UGT3A1: variants seen among roughly 807,000 people sequenced by gnomAD.
UGT3A1 encodes the protein UDP-glycosyltransferase 3A1.
UGT3A1 carries 40 observed loss-of-function variants against 37.6 expected under a neutral mutation model. That is an observed-to-expected ratio of 1.06 (90% CI 0.83 to 1.38). UGT3A1 has a LOEUF of 1.38. Ranked by LOEUF, UGT3A1 falls within the 40% of genes most tolerant of loss-of-function variation. The probability of loss-of-function intolerance (pLI) is 0.00; values close to 1 mark genes in which losing one functional copy is unlikely to be tolerated. For missense variants in UGT3A1, 642 were observed against 634.2 expected, an observed-to-expected ratio of 1.01 and a Z score of -0.13; for synonymous variants, 256 against 232.3, an observed-to-expected ratio of 1.10 and a Z score of -0.93.
In UGT3A1 at chr5:35,957,396, G is replaced by A. The variant is rs757258359; in HGVS notation, c.867C>T (p.Asn289=). The A allele has an allele frequency of 6.2e-7, 1 of 1,614,116 alleles. No individual in the cohort carries two copies. Among genetic ancestry groups the A allele is most frequent in the East Asian group, 2.2e-5 (1 of 44,874 alleles). ...VPQDLDNFIA[N]FGDAGFVLVA... ...CAAGGACAAACCCTGCATCCCCAAA[G>A]TTGGCAATGAAGTTGTCCAAGTCCT... Residue 289 remains asparagine (N), a synonymous_variant, in exon 5 of 7, where the codon AAC becomes AAT. Coordinates refer to ENST00000274278, the MANE Select transcript of UGT3A1 (RefSeq NM_152404.4).
At position 35,965,628 on chromosome 5, in the gene UGT3A1, C is replaced by T; in HGVS notation, c.601G>A (p.Val201Met). The change falls in exon 4 of 7, where the codon GTG becomes ATG. Residue 201 changes from valine to methionine, a missense_variant. By Grantham distance (21) the Val-to-Met change is conservative (BLOSUM62 1). Transcript: ENST00000274278. ...LTDHMDFWGR[V>M]KNFLMFFSFS... ...CTAAAGAACATCAGAAAATTCTTCA[C>T]TCGGCCCCAGAAGTCCATGTGATCA... 1.9e-6 allele frequency: 3 copies of T among 1,614,194 alleles called. No individual in the cohort carries two copies.
In UGT3A1 at chr5:35,955,834, T is replaced by C. The variant is rs1341268898; in HGVS notation, c.1106A>G (p.His369Arg). Reference protein sequence around the residue: ...AHPSIRLFVTHGGQNSVMEAI... With the variant: ...AHPSIRLFVTRGGQNSVMEAI... ...CTCCATTACGCTGTTCTGCCCACCA[T>C]GAGTGACAAAAAGACGGATGCTGGG... The change falls in exon 6 of 7, where the codon CAT becomes CGT. Residue 369 changes from histidine (H) to arginine (R), a missense_variant. Coordinates refer to ENST00000274278, the MANE Select transcript of UGT3A1 (RefSeq NM_152404.4). 1 of 1,614,144 alleles carries C rather than the reference T, an allele frequency of 6.2e-7. No homozygotes were observed. Among genetic ancestry groups the C allele is most frequent in the Admixed American group, 1.7e-5 (1 of 60,022 alleles).
chr5:35,956,278 A>G (rs531672389), intron 5 of UGT3A1, among the ~76,000 whole-genome samples: 3 of 152,156 alleles, frequency 2.0e-5, no homozygotes, highest in Non-Finnish European at 4.4e-5. Flanking sequence ...TAAACCATAC[A>G]CTTCTACTTC....
chr5:35,986,969 T>G (rs972590489), intron 2 of UGT3A1, among the ~76,000 whole-genome samples: 5 of 152,060 alleles, frequency 3.3e-5, no homozygotes, highest in Non-Finnish European at 7.4e-5. Context: ...GCAATAAAAA[T>G]GTATAAATTT....
Position 35,951,173 on chromosome 5 carries a change from T to A in UGT3A1, c.*3029A>T, listed in dbSNP as rs1739194236. On this transcript the variant is annotated 3_prime_UTR_variant, in exon 7 of 7. Transcript: ENST00000274278. Reference sequence around the variant, plus strand: ...TTCCGTTTGTATTTCAGTTCTTGGCTTTTCTCTCCTTGTTTATTTAAACAT... The same window carrying A: ...TTCCGTTTGTATTTCAGTTCTTGGCATTTCTCTCCTTGTTTATTTAAACAT... The A allele has an allele frequency of 6.6e-6, 1 of 152,206 alleles. No individual in the cohort carries two copies. Among genetic ancestry groups the A allele is most frequent in the African/African-American group, 2.4e-5 (1 of 41,466 alleles). 9.4% of individuals were successfully genotyped at this position (152,206 alleles called of 1,614,324 possible).
intron 6 of UGT3A1, chr5:35,954,805 G>A: frequency 3.5e-6 from 1 of 288,238 alleles, no homozygotes; most frequent in Non-Finnish European, 6.6e-6. Flanking sequence ...GACCATATAT[G>A]AGAGAATATG....
At chr5:35,996,174 A>G (rs1451456121), upstream of UGT3A1, among the ~76,000 whole-genome samples, 1 of 152,194 alleles carries the variant, frequency 6.6e-6, no homozygotes, top group Non-Finnish European at 1.5e-5. Context: ...ACTGTAAAAG[A>G]CGAGGATACC....
intron 2 of UGT3A1, among the ~76,000 whole-genome samples, chr5:35,985,709 G>C (rs1740703866): frequency 6.6e-6 from 1 of 152,184 alleles, no homozygotes; most frequent in Non-Finnish European, 1.5e-5. Context: ...AATAAGGTCA[G>C]AGTGGATTTA....
Position 35,984,721 on chromosome 5 carries a change from C to G in UGT3A1, c.196+3729G>C, listed in dbSNP as rs564963481. On this transcript the variant is annotated intron_variant, in intron 2 of 6. Coordinates refer to ENST00000274278, the MANE Select transcript of UGT3A1 (RefSeq NM_152404.4). ...CTCCTGACCTCAGGTGATCCACCCACCTCGGCTTCCCAAAGTCCTGAGATT... is the reference window on the plus strand; with the variant it reads ...CTCCTGACCTCAGGTGATCCACCCAGCTCGGCTTCCCAAAGTCCTGAGATT... 8.5e-5 allele frequency among the ~76,000 whole-genome samples: 13 copies of G among 152,254 alleles called. No homozygotes were observed. In the South Asian group the frequency reaches 2.7e-3, roughly 32 times the overall value.
chr5:36,000,190 G>A (rs74527246), intron 1 of UGT3A1, among the ~76,000 whole-genome samples: 221 of 152,182 alleles, frequency 1.5e-3, no homozygotes, highest in African/African-American at 4.8e-3. Context: ...CACCACTTTC[G>A]GTAAACATTA....
At chr5:35,968,667 A>G (rs1334723281) in intron 2 of UGT3A1, among the ~76,000 whole-genome samples, 1 of 151,754 alleles carries the variant, frequency 6.6e-6, no homozygotes, top group South Asian at 2.1e-4. Context: ...CCCCTCCCCC[A>G]TCACCCATGT....
upstream of UGT3A1, among the ~76,000 whole-genome samples, chr5:35,995,236 T>C (rs1260442185): frequency 2.0e-5 from 3 of 152,160 alleles, no homozygotes; most frequent in Admixed American, 2.0e-4. Context: ...TTCTCCTCCA[T>C]GTCTACCACT....
upstream of UGT3A1, among the ~76,000 whole-genome samples, chr5:35,994,823 G>A (rs1014097603): frequency 7.9e-5 from 12 of 152,096 alleles, no homozygotes; most frequent in African/African-American, 1.9e-4. Context: ...CTAAGACCCC[G>A]GAGGAACATA....
intron 2 of UGT3A1, among the ~76,000 whole-genome samples, chr5:35,986,402 C>T (rs886320510): frequency 6.6e-6 from 1 of 151,908 alleles, no homozygotes; most frequent in African/African-American, 2.4e-5. Flanking sequence ...TTTACAATAA[C>T]CAAAGTAAAG....
At chr5:35,983,520 CA>C (rs1297288763) in intron 2 of UGT3A1, among the ~76,000 whole-genome samples, 2 of 152,008 alleles carry the variant, frequency 1.3e-5, no homozygotes, top group Non-Finnish European at 2.9e-5. Context: ...AATTAAAGAT[CA>C]GGGGCTATTT....
intron 4 of UGT3A1, 140 bp from the exon 5 acceptor site, chr5:35,957,559 C>A: frequency 1.4e-6 from 1 of 697,496 alleles, no homozygotes; most frequent in South Asian, 1.9e-5. Context: ...TATTATGGCT[C>A]CTGGCACAGC....
At chr5:35,990,672 T>A (rs552769012) in intron 1 of UGT3A1, among the ~76,000 whole-genome samples, 14 of 152,248 alleles carry the variant, frequency 9.2e-5, no homozygotes, top group African/African-American at 3.1e-4. Context: ...TGGCTCCATA[T>A]GCAGCTTCAC....
rs1369919868 is a variant in UGT3A1 at position 35,951,729 on chromosome 5, T to A, written c.*2473A>T. The stretch of plus-strand genomic sequence containing the variant: ...ATTAATTTACACTTCTCTTGTTGTA[T>A]CAGGATTTTTTCTTCCTATTTAGAA... On this transcript the variant is annotated 3_prime_UTR_variant, in exon 7 of 7. Transcript: ENST00000274278. 2 of 152,202 alleles carry A rather than the reference T, an allele frequency of 1.3e-5. No homozygotes were observed. The highest frequency in any genetic ancestry group is 6.5e-5 in the Admixed American group (1 of 15,286). 9.4% of individuals were successfully genotyped at this position (152,202 alleles called of 1,614,324 possible).
At chr5:35,969,075 C>T (rs939505809) in intron 2 of UGT3A1, among the ~76,000 whole-genome samples, 3 of 152,098 alleles carry the variant, frequency 2.0e-5, no homozygotes, top group African/African-American at 7.2e-5. Flanking sequence ...TTATGTGTCC[C>T]AATCATATAT....
Sources: allele counts gnomAD v4.1 joint callset (sites outside exome capture counted in the v4.1 genomes callset), GRCh38; gene constraint gnomAD v4.1.1; transcripts MANE v1.5; gene names NCBI Gene and HGNC (gene_info 2026-07-23, HGNC 2026-07-21).